LUC7L2: variants seen among roughly 807,000 people sequenced by gnomAD.
LUC7L2 encodes LUC7 like 2, pre-mRNA splicing factor.
In LUC7L2, 25 loss-of-function variants were observed where a neutral mutation model predicts 52.8. That is an observed-to-expected ratio of 0.47 (90% CI 0.34 to 0.66). The LOEUF is 0.66. LUC7L2 is among the 30% of genes least tolerant of loss of function. LUC7L2 has a pLI of 0.01. For missense variants in LUC7L2, 328 were observed against 497.8 expected (o/e 0.66, Z 3.25); for synonymous variants, 144 against 160.9 (o/e 0.89, Z 0.80).
At chr7:139,402,393 A>G in intron 4 of LUC7L2, 146 bp downstream of exon 4, 1 of 726,688 alleles carries the variant, frequency 1.4e-6, no homozygotes, top group South Asian at 2.1e-5. Flanking sequence ...CCCAGTGTAA[A>G]CATCTTATAC....
At chr7:139,379,599 T>A (rs1800893677) in intron 2 of LUC7L2, among the ~76,000 whole-genome samples, 2 of 120,968 alleles carry the variant, frequency 1.7e-5, no homozygotes, top group East Asian at 3.0e-4. Context: ...AGACAGATAC[T>A]CGCTCTGTTG....
In LUC7L2 at chr7:139,398,666, C is replaced by A; in HGVS notation, c.224C>A (p.Ser75Tyr). 5 of 1,611,848 alleles carry A rather than the reference C, an allele frequency of 3.1e-6. No homozygotes were observed. The highest frequency in any genetic ancestry group is 4.2e-6 in the Non-Finnish European group (5 of 1,179,258). Residue 75 changes from serine (S) to tyrosine (Y), a missense_variant, in exon 3 of 10, where the codon TCC (serine) becomes TAC (tyrosine). Coordinates refer to ENST00000354926, the MANE Select transcript of LUC7L2 (RefSeq NM_016019.5). ...LALRADYEIA[S>Y]KEQDFFFELD... is the part of the protein sequence containing the mutation. ...TTAAGAGCGGATTATGAAATTGCAT[C>A]CAAAGAACAAGATTTTTTCTTTGAA...
chr7:139,421,773 A>G (rs1047788261), intron 9 of LUC7L2, among the ~76,000 whole-genome samples: 2 of 152,250 alleles, frequency 1.3e-5, no homozygotes, highest in African/African-American at 4.8e-5. Flanking sequence ...TACCCCAGAT[A>G]GTCACCATCT....
upstream of LUC7L2, chr7:139,359,590 G>A (rs1585070494): frequency 7.7e-6 from 3 of 387,734 alleles, no homozygotes; most frequent in Middle Eastern, 6.5e-4. Context: ...CTAACCTCTA[G>A]CGCATTTTGC....
intron 8 of LUC7L2, chr7:139,416,236 G>A (rs545969141): frequency 3.8e-4 from 58 of 151,210 alleles, no homozygotes; most frequent in African/African-American, 1.4e-3. Context: ...TCTGTCAAAC[G>A]TTTATGTCCT....
intron 1 of LUC7L2, among the ~76,000 whole-genome samples, chr7:139,342,661 C>T (rs1799050204): frequency 6.6e-6 from 1 of 152,150 alleles, no homozygotes; most frequent in African/African-American, 2.4e-5. Context: ...GGGGTTTCTC[C>T]ATGTTGGTCA....
At chr7:139,418,867 C>A (rs1795748242) in intron 9 of LUC7L2, among the ~76,000 whole-genome samples, 1 of 152,104 alleles carries the variant, frequency 6.6e-6, no homozygotes, top group South Asian at 2.1e-4. Flanking sequence ...CTTATAATCC[C>A]AGCACTTTGG....
Position 139,422,195 on chromosome 7 carries a change from TA to T in LUC7L2, c.1035del (p.Ala346HisfsTer49). The T allele has an allele frequency of 6.2e-7, 1 of 1,613,224 alleles. No homozygotes were observed. On this transcript the variant is annotated frameshift_variant, in exon 10 of 10. Coordinates refer to ENST00000354926, the MANE Select transcript of LUC7L2 (RefSeq NM_016019.5). LOFTEE classifies it high-confidence loss of function. ...AAAGAAAGATTCAGAGACCAAGACT[TA>T]GCATCATGTGACAGAGACAGGAGTT... is the stretch of plus-strand genomic sequence containing the variant. ...SSKERFRDQD[L>X]ASCDRDRSSR... is the part of the protein sequence containing the mutation.
chr7:139,390,559 T>G (rs893073281), intron 2 of LUC7L2, among the ~76,000 whole-genome samples: 5 of 147,666 alleles, frequency 3.4e-5, no homozygotes, highest in Non-Finnish European at 7.5e-5. Context: ...ACAATGTAGT[T>G]TTTTTTTTTT....
rs1795950465 is a variant in LUC7L2, at chr7:139,422,545, A to G, written c.*205A>G. 2 of 1,088,532 alleles carry G rather than the reference A, an allele frequency of 1.8e-6. No homozygotes were observed. The highest frequency in any genetic ancestry group is 2.4e-6 in the Non-Finnish European group (2 of 840,012). The allele number at this position is 1,088,532 out of a possible 1,614,324, so 67.4% of individuals were successfully genotyped here. ...ATCCATAGTTTCTGGTGAACCTGTA[A>G]TACAGTTCTGAAAGTACAGTTTTAT... is the stretch of plus-strand genomic sequence containing the variant. On this transcript the variant is annotated 3_prime_UTR_variant, in exon 10 of 10. Coordinates refer to ENST00000354926, the MANE Select transcript of LUC7L2 (RefSeq NM_016019.5).
chr7:139,406,655 G>GT (rs1480549859), intron 5 of LUC7L2, among the ~76,000 whole-genome samples: 2 of 151,858 alleles, frequency 1.3e-5, no homozygotes, highest in African/African-American at 2.4e-5. Flanking sequence ...GGCCTGGCCT[G>GT]TTTTTTTGTT....
At chr7:139,411,656 C>G (rs546788484) in intron 7 of LUC7L2, among the ~76,000 whole-genome samples, 135 of 152,268 alleles carry the variant, frequency 8.9e-4, no homozygotes, top group Middle Eastern at 3.4e-3. Context: ...TGGTGTCCTA[C>G]TAGCCATAAT....
intron 8 of LUC7L2, among the ~76,000 whole-genome samples, chr7:139,415,725 C>T (rs984081357): frequency 4.6e-5 from 7 of 151,710 alleles, no homozygotes; most frequent in East Asian, 1.9e-4. Context: ...GAACTCCTCC[C>T]GTTTAAGGAT....
upstream of LUC7L2, among the ~76,000 whole-genome samples, chr7:139,356,502 C>T (rs1007037264): frequency 6.6e-6 from 1 of 151,812 alleles, no homozygotes; most frequent in African/African-American, 2.4e-5. Flanking sequence ...CATAGTCAGG[C>T]TGGGCACAGT....
intron 2 of LUC7L2, among the ~76,000 whole-genome samples, chr7:139,388,776 T>G (rs1237183853): frequency 2.0e-5 from 3 of 151,938 alleles, no homozygotes; most frequent in Non-Finnish European, 4.4e-5. Flanking sequence ...GTGGCATCAT[T>G]GTTTTCTCAT....
chr7:139,356,226 C>A (rs1025587726), upstream of LUC7L2, among the ~76,000 whole-genome samples: 21 of 147,782 alleles, frequency 1.4e-4, no homozygotes, highest in Admixed American at 7.9e-4. Flanking sequence ...GGGAGGATCA[C>A]TTGAGCCCGG....
intron 2 of LUC7L2, among the ~76,000 whole-genome samples, chr7:139,382,396 A>G (rs1330100687): frequency 6.6e-6 from 1 of 150,654 alleles, no homozygotes; most frequent in Non-Finnish European, 1.5e-5. Context: ...TTATTTATTT[A>G]TTTTTTGAGA....
intron 1 of LUC7L2, among the ~76,000 whole-genome samples, chr7:139,361,186 T>C (rs781743252): frequency 1.9e-4 from 29 of 152,354 alleles, no homozygotes; most frequent in Middle Eastern, 3.4e-3. Context: ...TTTGGTGATG[T>C]TAATTAGTAA....
chr7:139,383,734 T>TC (rs1794064604), intron 2 of LUC7L2, among the ~76,000 whole-genome samples: 1 of 149,160 alleles, frequency 6.7e-6, no homozygotes, highest in African/African-American at 2.5e-5. Context: ...TTTTTTTTTT[T>TC]CTTTTTTCTT....
Sources: gnomAD v4.1 joint callset for allele counts (sites outside exome capture counted in the v4.1 genomes callset) on GRCh38, gnomAD v4.1.1 for gene constraint, MANE v1.5 for transcripts, NCBI Gene and HGNC (gene_info 2026-07-23, HGNC 2026-07-21) for gene names.